Variants in KIF1B observed in about 807,000 individuals in gnomAD.
KIF1B encodes the protein kinesin-like protein KIF1B.
In KIF1B, 76 loss-of-function variants were observed where a neutral mutation model predicts 241.9. That is an observed-to-expected ratio of 0.31 (90% CI 0.26 to 0.38). The LOEUF is 0.38. KIF1B is among the 10% of genes least tolerant of loss of function. KIF1B has a pLI of 1.00. For missense variants in KIF1B, 1,622 were observed against 2,271.4 expected, an observed-to-expected ratio of 0.71 and a Z score of 5.81; for synonymous variants, 750 against 796.7, an observed-to-expected ratio of 0.94 and a Z score of 0.99.
chr1:10,233,784 G>T (rs1487509490), intron 2 of KIF1B, among the ~76,000 whole-genome samples: 2 of 149,682 alleles, frequency 1.3e-5, no homozygotes, highest in Non-Finnish European at 3.0e-5. Context: ...CATGATCTCA[G>T]GTGCCTGCCA....
intron 14 of KIF1B, 123 bp from the exon 15 acceptor site, chr1:10,282,199 T>TC: frequency 2.7e-6 from 2 of 730,602 alleles, no homozygotes; most frequent in Non-Finnish European, 4.6e-6. Flanking sequence ...TTATAGCGTG[T>TC]CTTGGTCTTG....
chr1:10,343,389 C>T lies in KIF1B; in HGVS notation c.3688+102C>T. ...AAGTCATGTTTGAATTCCTATTCTT[C>T]TATATATCCACATGTATTCCTGCTC... On this transcript the variant is annotated intron_variant, in intron 34 of 48. Transcript: ENST00000676179. 3 of 1,070,188 alleles carry T rather than the reference C, an allele frequency of 2.8e-6. No homozygotes were observed. The South Asian group carries it at 4.0e-5, about 14-fold the overall frequency. 66.3% of individuals were successfully genotyped at this position (1,070,188 alleles called of 1,614,324 possible). A position where few individuals can be genotyped will look rare whatever the true frequency, so the allele number is the denominator to read the frequency against.
At chr1:10,308,638 G>A in intron 22 of KIF1B, 1 of 1,010,386 alleles carries the variant, frequency 9.9e-7, no homozygotes, top group Non-Finnish European at 1.2e-6. Flanking sequence ...GAAAAGGAAA[G>A]CAAGGTAATG....
At chr1:10,323,778 T>G in intron 24 of KIF1B, 106 bp from the exon 25 acceptor site, 1 of 883,944 alleles carries the variant, frequency 1.1e-6, no homozygotes. Context: ...ACAAGATATT[T>G]GTTGAGCACA....
intron 34 of KIF1B, among the ~76,000 whole-genome samples, chr1:10,344,186 C>T (rs946320089): frequency 1.3e-5 from 2 of 152,324 alleles, no homozygotes; most frequent in South Asian, 4.1e-4. Flanking sequence ...AGTGTGCTTG[C>T]ATCCTCCGCT....
intron 22 of KIF1B, among the ~76,000 whole-genome samples, chr1:10,316,933 A>T (rs1268988318): frequency 2.0e-5 from 3 of 148,650 alleles, no homozygotes; most frequent in Admixed American, 2.0e-4. Context: ...TTCAGATGGG[A>T]TCTTGCTGTG....
At chr1:10,246,053 A>T (rs1647207116) in intron 2 of KIF1B, among the ~76,000 whole-genome samples, 1 of 152,108 alleles carries the variant, frequency 6.6e-6, no homozygotes, top group South Asian at 2.1e-4. Flanking sequence ...TAACTCCCAG[A>T]TTCACTTCTG....
In KIF1B at chr1:10,368,546, C is replaced by A; in HGVS notation, c.4824+8C>A. ...AGCGTCAGTGACTGTAAGGTGAGCA[C>A]ATTGACTGTAATTTTTAGCCAGTAT... On this transcript the variant is annotated splice_region_variant and intron_variant, in intron 44 of 48. Transcript: ENST00000676179. 1 of 1,610,416 alleles carries A rather than the reference C, an allele frequency of 6.2e-7. No homozygotes were observed. Among genetic ancestry groups the A allele is most frequent in the Non-Finnish European group, 8.5e-7 (1 of 1,176,616 alleles).
At chr1:10,306,489 C>T (rs1268332505) in intron 22 of KIF1B, 2 of 905,784 alleles carry the variant, frequency 2.2e-6, no homozygotes, top group Non-Finnish European at 2.7e-6. Context: ...CACATGCGTA[C>T]AGCCCCAGCT....
At position 10,374,204 on chromosome 1, in the gene KIF1B, C is replaced by T. The variant is rs956165446; in HGVS notation, c.4947-112C>T. On this transcript the variant is annotated intron_variant, in intron 45 of 48. Coordinates refer to ENST00000676179, the MANE Select transcript of KIF1B (RefSeq NM_001365951.3). This position sits in a 1 kb window ranked among gnomAD's most constrained non-coding sequence, Gnocchi z 4.3. ...AGCTCTCTGCAACTCAAGTTTGCAG[C>T]TGGGGTTTAGGGAGGGCCATTGTGT... 2.4e-5 allele frequency: 28 copies of T among 1,157,600 alleles called. No individual in the cohort carries two copies. In the African/African-American group the frequency reaches 3.8e-4, roughly 16 times the overall value. The allele number at this position is 1,157,600 out of a possible 1,614,324, so 71.7% of individuals were successfully genotyped here. A position where few individuals can be genotyped will look rare whatever the true frequency, so the allele number is the denominator to read the frequency against.
chr1:10,297,276 G>T (rs1220455704), intron 22 of KIF1B, 30 bp downstream of exon 22: 8 of 1,592,864 alleles, frequency 5.0e-6, no homozygotes, highest in Admixed American at 5.0e-5. Flanking sequence ...TAAACTGTTG[G>T]GAAAAGGGCA....
intron 13 of KIF1B, chr1:10,278,456 G>A (rs1649233840): frequency 7.4e-6 from 2 of 271,866 alleles, no homozygotes; most frequent in Non-Finnish European, 1.4e-5. Flanking sequence ...TTATCACTGA[G>A]CAATTAATTA....
chr1:10,362,905 T>C (rs1225092798), intron 40 of KIF1B, among the ~76,000 whole-genome samples: 1 of 152,006 alleles, frequency 6.6e-6, no homozygotes, highest in African/African-American at 2.4e-5. Context: ...ACCCTATCTC[T>C]ACAAAAAAAC....
intron 44 of KIF1B, among the ~76,000 whole-genome samples, chr1:10,369,928 G>A (rs975479301): frequency 7.4e-5 from 11 of 149,272 alleles, no homozygotes; most frequent in Middle Eastern, 3.8e-3. Context: ...GTGAAACTCC[G>A]CCTCAAAAAG....
At chr1:10,334,960 A>G (rs1490878327) in intron 28 of KIF1B, among the ~76,000 whole-genome samples, 3 of 149,118 alleles carry the variant, frequency 2.0e-5, no homozygotes, top group Admixed American at 2.0e-4. Context: ...TTTTTTTGAG[A>G]CAGGGTCTCA....
In KIF1B at chr1:10,323,977, A is replaced by G. The variant is rs1433378264; in HGVS notation, c.2452A>G (p.Arg818Gly). 9 of 1,614,154 alleles carry G rather than the reference A, an allele frequency of 5.6e-6. No individual in the cohort carries two copies. The highest frequency in any genetic ancestry group is 1.1e-5 in the South Asian group (1 of 91,074). ...PTEMEKTHED[R>G]PFPRTVVAVE... The stretch of plus-strand genomic sequence containing the variant: ...TGAGATGGAAAAAACTCATGAGGAC[A>G]GGCCTTTCCCTCGCACAGTGGTAGC... The change falls in exon 25 of 49, where the codon AGG (arginine) becomes GGG (glycine). Residue 818 changes from arginine to glycine, a missense_variant. Coordinates refer to ENST00000676179, the MANE Select transcript of KIF1B (RefSeq NM_001365951.3).
chr1:10,339,087 GGA>G (rs144387373), intron 31 of KIF1B, among the ~76,000 whole-genome samples: 10 of 151,342 alleles, frequency 6.6e-5, no homozygotes, highest in East Asian at 3.9e-4. Flanking sequence ...CTAATAATAG[GGA>G]GAGAGAGAGA....
Position 10,381,088 on chromosome 1 carries a change from C to T in KIF1B, c.*4501C>T, listed in dbSNP as rs547231946. ...AGCTGAGGTTGGTCTCTTGCCAAAC[C>T]GTGGCTGTTGTGTGTTGTTCTTCAT... On this transcript the variant is annotated 3_prime_UTR_variant, in exon 49 of 49. Coordinates refer to ENST00000676179, the MANE Select transcript of KIF1B (RefSeq NM_001365951.3). The T allele has an allele frequency of 9.0e-6, 2 of 222,470 alleles. No homozygotes were observed. Among genetic ancestry groups the T allele is most frequent in the Admixed American group, 5.8e-5 (1 of 17,384 alleles). 13.8% of individuals were successfully genotyped at this position (222,470 alleles called of 1,614,324 possible).
intron 22 of KIF1B, among the ~76,000 whole-genome samples, chr1:10,312,971 G>T (rs1264761648): frequency 6.6e-6 from 1 of 151,492 alleles, no homozygotes; most frequent in Non-Finnish European, 1.5e-5. Flanking sequence ...GATTGCCTGG[G>T]CTCAAGTCTC....
Sources: gnomAD v4.1 joint callset for allele counts (sites outside exome capture counted in the v4.1 genomes callset) on GRCh38, gnomAD v4.1.1 for gene constraint, Gnocchi (gnomAD v3.1) non-coding constraint, MANE v1.5 for transcripts, NCBI Gene and HGNC (gene_info 2026-07-23, HGNC 2026-07-21) for gene names.